The following TMEM117 variants were observed in gnomAD, a reference collection of about 807,000 sequenced individuals.
TMEM117 encodes transmembrane protein 117.
TMEM117 carries 27 observed loss-of-function variants against 52.4 expected under a neutral mutation model. The ratio of observed to expected loss-of-function variants is 0.51; its 90% CI spans 0.38 to 0.71. TMEM117 has a LOEUF of 0.71. TMEM117 is among the 30% of genes least tolerant of loss of function. The pLI is 0.00. For missense variants in TMEM117, 556 were observed against 630.5 expected, an observed-to-expected ratio of 0.88 and a Z score of 1.26; for synonymous variants, 215 against 206.3, an observed-to-expected ratio of 1.04 and a Z score of -0.36.
chr12:44,156,730 G>C (rs1435871591), intron 4 of TMEM117, among the ~76,000 whole-genome samples: 3 of 152,042 alleles, frequency 2.0e-5, no homozygotes, highest in Non-Finnish European at 4.4e-5. Flanking sequence ...AGAATCTTTT[G>C]GTGCTGGAAG....
chr12:43,931,478 G>T (rs1178111841), intron 2 of TMEM117, among the ~76,000 whole-genome samples: 1 of 152,056 alleles, frequency 6.6e-6, no homozygotes, highest in African/African-American at 2.4e-5. Flanking sequence ...GAAGAGCCCG[G>T]GAATGATACT....
chr12:43,908,662 C>G (rs1221530420), intron 2 of TMEM117, among the ~76,000 whole-genome samples: 2 of 151,784 alleles, frequency 1.3e-5, no homozygotes, highest in Non-Finnish European at 2.9e-5. Context: ...ATCTACCAAG[C>G]AAATGGAAAA....
intron 3 of TMEM117, among the ~76,000 whole-genome samples, chr12:44,123,709 G>A (rs1948275043): frequency 6.6e-6 from 1 of 152,278 alleles, no homozygotes; most frequent in East Asian, 1.9e-4. Flanking sequence ...TCAGATGGTT[G>A]TAGGTGTGTG....
intron 6 of TMEM117, among the ~76,000 whole-genome samples, chr12:44,334,109 G>T (rs1222273258): frequency 6.6e-6 from 1 of 151,978 alleles, no homozygotes; most frequent in Non-Finnish European, 1.5e-5. Context: ...AAACAATAAT[G>T]TTCTTTCTTG....
At chr12:44,011,393 G>A (rs1227557670) in intron 3 of TMEM117, among the ~76,000 whole-genome samples, 1 of 152,096 alleles carries the variant, frequency 6.6e-6, no homozygotes, top group Admixed American at 6.5e-5. Context: ...ATACATGGAG[G>A]TCTTTCTGTT....
intron 7 of TMEM117, among the ~76,000 whole-genome samples, chr12:44,381,265 G>T (rs1214344438): frequency 6.6e-6 from 1 of 152,124 alleles, no homozygotes; most frequent in Non-Finnish European, 1.5e-5. Flanking sequence ...GGTACTTTTA[G>T]CCCAAGTTCA....
rs753321501 is a variant in TMEM117 at position 44,376,677 on chromosome 12, C to T, written c.851C>T (p.Pro284Leu). 19 of 1,611,698 alleles carry T rather than the reference C, an allele frequency of 1.2e-5. No individual in the cohort carries two copies. The highest frequency in any genetic ancestry group is 1.6e-5 in the Non-Finnish European group (19 of 1,179,120). Residue 284 changes from proline (P) to leucine (L), a missense_variant, in exon 7 of 8, where the codon CCT (proline) becomes CTT (leucine). Pro to Leu is a moderately conservative substitution (Grantham distance 98). Transcript: ENST00000266534. ...ACCCCTCACATGCAGTTCAAGATTC[C>T]TTTCTTCCAGAAAATCTTCAAGGAG... Reference protein sequence around the residue: ...LHTPHMQFKIPFFQKIFKEEY... With the variant: ...LHTPHMQFKILFFQKIFKEEY...
intron 5 of TMEM117, among the ~76,000 whole-genome samples, chr12:44,283,144 G>A (rs965255182): frequency 6.6e-6 from 1 of 152,252 alleles, no homozygotes; most frequent in African/African-American, 2.4e-5. Flanking sequence ...GTTTGCTGCA[G>A]GGGCGAGGCC....
intron 4 of TMEM117, among the ~76,000 whole-genome samples, chr12:44,173,981 G>T (rs938265166): frequency 6.6e-6 from 1 of 152,054 alleles, no homozygotes; most frequent in Non-Finnish European, 1.5e-5. Context: ...AGCTCAAAGA[G>T]AAATCAATTC....
intron 4 of TMEM117, among the ~76,000 whole-genome samples, chr12:44,181,918 G>C (rs1949205683): frequency 6.6e-6 from 1 of 152,056 alleles, no homozygotes; most frequent in Admixed American, 6.5e-5. Context: ...GATGGGGATG[G>C]CCTTGAATCT....
intron 6 of TMEM117, 169 bp from the exon 7 acceptor site, chr12:44,376,426 G>A: frequency 1.3e-6 from 1 of 782,614 alleles, no homozygotes; most frequent in Non-Finnish European, 2.2e-6. Flanking sequence ...AATGCATACT[G>A]CTACCTAATG....
intron 3 of TMEM117, among the ~76,000 whole-genome samples, chr12:44,028,149 C>T (rs1323623421): frequency 6.6e-6 from 1 of 152,114 alleles, no homozygotes; most frequent in African/African-American, 2.4e-5. Flanking sequence ...GCCGAGATCG[C>T]ACCACTGCAC....
rs571023081 is a variant in TMEM117, at chr12:44,097,307, T to C, written c.411-46218T>C. On this transcript the variant is annotated intron_variant, in intron 3 of 7. Transcript: ENST00000266534. Reference sequence around the variant, plus strand: ...TCAACCATTGTGGAAGTCAGTGTGGTGATTCCTCAGGGATCTAGAACTAGA... The same window carrying C: ...TCAACCATTGTGGAAGTCAGTGTGGCGATTCCTCAGGGATCTAGAACTAGA... 8.0e-3 allele frequency among the ~76,000 whole-genome samples: 1,223 copies of C among 151,976 alleles called. 10 individuals are homozygous for C. The highest frequency in any genetic ancestry group is 0.013 in the Non-Finnish European group (875 of 67,842).
At chr12:44,125,208 C>G (rs1028711532) in intron 3 of TMEM117, among the ~76,000 whole-genome samples, 4 of 152,112 alleles carry the variant, frequency 2.6e-5, no homozygotes, top group Admixed American at 2.6e-4. Flanking sequence ...GGGTTCACGC[C>G]ATTCTCCTGC....
chr12:44,396,911 C>G, the TMEM117 span, among the ~76,000 whole-genome samples: 1 of 151,794 alleles, frequency 6.6e-6, no homozygotes, highest in Non-Finnish European at 1.5e-5. Flanking sequence ...ATAATATTCT[C>G]AAATTATCTG....
chr12:44,380,041 A>G (rs1345778593), intron 7 of TMEM117, among the ~76,000 whole-genome samples: 8 of 152,242 alleles, frequency 5.3e-5, no homozygotes, highest in Admixed American at 5.2e-4. Context: ...GGCAAGTGAT[A>G]CGTCTGCTGG....
rs17094512 is a variant in TMEM117, at chr12:44,351,737, T to C, written c.769-24858T>C. The stretch of plus-strand genomic sequence containing the variant: ...CAGAGAAAATTTCATTACATTTTGC[T>C]TGTGGATGTTTGACTAAAAAATGAT... On this transcript the variant is annotated intron_variant, in intron 6 of 7. Transcript: ENST00000266534. 6.6e-3 allele frequency among the ~76,000 whole-genome samples: 1,000 copies of C among 152,100 alleles called. 14 individuals are homozygous for C. The highest frequency in any genetic ancestry group is 0.022 in the African/African-American group (922 of 41,530).
At chr12:44,097,608 T>C (rs1451372240) in intron 3 of TMEM117, among the ~76,000 whole-genome samples, 1 of 150,668 alleles carries the variant, frequency 6.6e-6, no homozygotes, top group Non-Finnish European at 1.5e-5. Context: ...AGCAAACTAT[T>C]GCAAGGACAA....
chr12:44,289,697 C>T (rs766747536), intron 5 of TMEM117, among the ~76,000 whole-genome samples: 7 of 151,674 alleles, frequency 4.6e-5, no homozygotes, highest in Non-Finnish European at 1.0e-4. Flanking sequence ...GGATTGCAGG[C>T]GCCCGCCACC....
Sources: allele counts gnomAD v4.1 joint callset (sites outside exome capture counted in the v4.1 genomes callset), GRCh38; gene constraint gnomAD v4.1.1; transcripts MANE v1.5; gene names NCBI Gene and HGNC (gene_info 2026-07-23, HGNC 2026-07-21).